The following CLEC4A variants were observed in gnomAD, a reference collection of about 807,000 sequenced individuals.
The protein encoded by CLEC4A is C-type (calcium dependent, carbohydrate-recognition domain) lectin, superfamily member 6.
CLEC4A carries 27 observed loss-of-function variants against 32.7 expected under a neutral mutation model. The observed-to-expected ratio is 0.83, with a 90% confidence interval of 0.61 to 1.14. CLEC4A has a LOEUF of 1.14. CLEC4A is among the 50% of genes most tolerant of loss of function. The pLI, the probability that CLEC4A is intolerant of heterozygous loss-of-function variation, is 0.00. For synonymous variants in CLEC4A, 89 were observed against 93.7 expected (o/e 0.95, Z 0.29); for missense variants, 253 against 274.6 (o/e 0.92, Z 0.55).
At chr12:8,117,540 G>A in the CLEC4A span, among the ~76,000 whole-genome samples, 1 of 152,106 alleles carries the variant, frequency 6.6e-6, no homozygotes, top group South Asian at 2.1e-4. Context: ...CACCCAGCCT[G>A]CTTGGGCTCT....
chr12:8,134,278 A>T, intron 3 of CLEC4A: 10 of 1,612,574 alleles, frequency 6.2e-6, no homozygotes, highest in South Asian at 1.1e-5. Context: ...TCTTGAAGCT[A>T]AGCTGCAGAG....
the CLEC4A span, among the ~76,000 whole-genome samples, chr12:8,113,826 A>G: frequency 6.6e-6 from 1 of 152,206 alleles, no homozygotes; most frequent in African/African-American, 2.4e-5. Context: ...CTGAGACTCC[A>G]TTCTTCTGGA....
At chr12:8,125,296 T>C (rs1372922728) in intron 1 of CLEC4A, among the ~76,000 whole-genome samples, 1 of 152,178 alleles carries the variant, frequency 6.6e-6, no homozygotes, top group Non-Finnish European at 1.5e-5. Context: ...GCTAGAAAGA[T>C]ATATACCAAA....
chr12:8,134,116 C>G (rs750068989), intron 3 of CLEC4A: 2 of 1,597,976 alleles, frequency 1.3e-6, no homozygotes, highest in East Asian at 2.2e-5. Flanking sequence ...GGAACAAATT[C>G]TCCAGGTTGC....
chr12:8,119,735 T>C (rs1018715077), upstream of CLEC4A, among the ~76,000 whole-genome samples: 3 of 152,186 alleles, frequency 2.0e-5, no homozygotes, highest in Admixed American at 2.0e-4. Flanking sequence ...AGCTATTAAA[T>C]TGACTTCTGA....
At chr12:8,129,835 CT>C (rs1222042049) in intron 3 of CLEC4A, among the ~76,000 whole-genome samples, 3 of 152,088 alleles carry the variant, frequency 2.0e-5, no homozygotes, top group Admixed American at 1.3e-4. Flanking sequence ...ACATAAAATT[CT>C]TTTGTTGTTG....
At chr12:8,110,668 T>G in the CLEC4A span, among the ~76,000 whole-genome samples, 44 of 152,310 alleles carry the variant, frequency 2.9e-4, no homozygotes, top group African/African-American at 1.0e-3. Flanking sequence ...ATTTACATGC[T>G]TCTCTATTAG....
the CLEC4A span, among the ~76,000 whole-genome samples, chr12:8,111,156 G>A: frequency 6.8e-6 from 1 of 148,030 alleles, no homozygotes; most frequent in Admixed American, 6.8e-5. Context: ...ACAGGTGTGA[G>A]CCACCGCGCC....
chr12:8,123,123 G>T (rs931259636), upstream of CLEC4A, among the ~76,000 whole-genome samples: 1 of 152,162 alleles, frequency 6.6e-6, no homozygotes, highest in Non-Finnish European at 1.5e-5. Context: ...GCGATTAAAA[G>T]GTTAGGGAAG....
At chr12:8,120,377 C>A (rs994870031), upstream of CLEC4A, among the ~76,000 whole-genome samples, 2 of 152,094 alleles carry the variant, frequency 1.3e-5, no homozygotes, top group African/African-American at 4.8e-5. Flanking sequence ...ATGAGATATA[C>A]GGGCCCACCA....
the CLEC4A span, among the ~76,000 whole-genome samples, chr12:8,117,348 C>T: frequency 6.6e-6 from 1 of 152,038 alleles, no homozygotes; most frequent in Non-Finnish European, 1.5e-5. Context: ...AAGTGATTCT[C>T]CTGCTTCAGC....
chr12:8,132,892 GT>G (rs897126950), intron 3 of CLEC4A, among the ~76,000 whole-genome samples: 1 of 151,534 alleles, frequency 6.6e-6, no homozygotes, highest in Non-Finnish European at 1.5e-5. Flanking sequence ...TTCTTTGTGG[GT>G]TTTTTTGTTT....
intron 3 of CLEC4A, chr12:8,134,676 C>T (rs777545605): frequency 6.3e-7 from 1 of 1,581,210 alleles, no homozygotes; most frequent in East Asian, 2.3e-5. Flanking sequence ...TGGGGGAATC[C>T]CCCACTCCTC....
chr12:8,128,645 C>T (rs939601488), intron 2 of CLEC4A, among the ~76,000 whole-genome samples: 1 of 152,074 alleles, frequency 6.6e-6, no homozygotes, highest in African/African-American at 2.4e-5. Context: ...TCCTGACCTG[C>T]CTCGACCTCC....
intron 2 of CLEC4A, among the ~76,000 whole-genome samples, chr12:8,125,931 A>G (rs1439181052): frequency 6.6e-6 from 1 of 152,222 alleles, no homozygotes; most frequent in Non-Finnish European, 1.5e-5. Flanking sequence ...TTTGTGTTGT[A>G]GAGTGAAATC....
intron 4 of CLEC4A, 106 bp from the exon 5 acceptor site, chr12:8,136,682 A>G: frequency 1.5e-6 from 1 of 652,302 alleles, no homozygotes; most frequent in Non-Finnish European, 2.8e-6. Context: ...GCTCTAATGC[A>G]GCTGTTGCTG....
upstream of CLEC4A, among the ~76,000 whole-genome samples, chr12:8,118,870 TA>T (rs1947809597): frequency 6.6e-6 from 1 of 152,144 alleles, no homozygotes; most frequent in African/African-American, 2.4e-5. Context: ...AAGGCTCCTA[TA>T]AAAAAGGCAT....
Position 8,123,723 on chromosome 12 carries a change from C to T in CLEC4A, c.-156C>T, listed in dbSNP as rs1180440674. 7 of 606,322 alleles carry T rather than the reference C, an allele frequency of 1.2e-5. No individual in the cohort carries two copies. The highest frequency in any genetic ancestry group is 2.1e-5 in the Non-Finnish European group (7 of 340,592). 37.6% of individuals were successfully genotyped at this position (606,322 alleles called of 1,614,324 possible). Reference sequence around the variant, plus strand: ...GTGGTTCTTAGTTCTCATGAGACCCCTCTTGAGGATATGTGCCTATCTGGT... The same window carrying T: ...GTGGTTCTTAGTTCTCATGAGACCCTTCTTGAGGATATGTGCCTATCTGGT... On this transcript the variant is annotated 5_prime_UTR_variant, in exon 1 of 6. Transcript: ENST00000229332.
chr12:8,126,341 A>AT, intron 2 of CLEC4A, among the ~76,000 whole-genome samples: 1 of 149,408 alleles, frequency 6.7e-6, no homozygotes, highest in South Asian at 2.1e-4. Context: ...AGTAGCTGGG[A>AT]TTACAGGTGT....
Sources: allele counts gnomAD v4.1 joint callset (sites outside exome capture counted in the v4.1 genomes callset), GRCh38; gene constraint gnomAD v4.1.1; transcripts MANE v1.5; gene names NCBI Gene and HGNC (gene_info 2026-07-23, HGNC 2026-07-21).